The following GSDME variants were observed in gnomAD, a reference collection of about 807,000 sequenced individuals.
GSDME encodes gasdermin-E.
GSDME carries 44 observed loss-of-function variants against 47.5 expected under a neutral mutation model. That is an observed-to-expected ratio of 0.93 (90% CI 0.73 to 1.19). The LOEUF is 1.19. Ranked by LOEUF, GSDME falls within the 50% of genes most tolerant of loss-of-function variation. GSDME has a pLI of 0.00. For missense variants in GSDME, 663 were observed against 604.2 expected, an observed-to-expected ratio of 1.10 and a Z score of -1.02; for synonymous variants, 258 against 252.8, an observed-to-expected ratio of 1.02 and a Z score of -0.20.
the GSDME span, among the ~76,000 whole-genome samples, chr7:24,782,656 T>C: frequency 6.6e-6 from 1 of 152,246 alleles, no homozygotes; most frequent in African/African-American, 2.4e-5. Flanking sequence ...TCTTCCACAA[T>C]GGTTGAACTA....
rs1228378939 is a variant in GSDME at position 24,728,038 on chromosome 7, C to A, written c.405-8820G>T. Among the ~76,000 whole-genome samples, 1 of 152,208 alleles carries A rather than the reference C, an allele frequency of 6.6e-6. No individual in the cohort carries two copies. The highest frequency in any genetic ancestry group is 1.9e-4 in the East Asian group (1 of 5,198). ...GGGGGGCTGTAACGGGAGGAAGAGA[C>A]AGGGTGCACCCAGCCCTGCCAATGA... On this transcript the variant is annotated intron_variant, in intron 3 of 9. Transcript: ENST00000645220. The surrounding 1 kb of genome is among the most constrained non-coding windows in gnomAD (Gnocchi z 7.2).
At chr7:24,783,239 G>T in the GSDME span, among the ~76,000 whole-genome samples, 1 of 152,174 alleles carries the variant, frequency 6.6e-6, no homozygotes, top group South Asian at 2.1e-4. Context: ...GAGAACTGCT[G>T]GCTTAGAGGC....
Position 24,701,522 on chromosome 7 carries a change from C to T in GSDME, c.1257+1238G>A, listed in dbSNP as rs778166058. On this transcript the variant is annotated intron_variant, in intron 9 of 9. Transcript: ENST00000645220. ...CTTGGCAGGATTTTCTTTTTATTTG[C>T]TTCAGTTGCAGTTGATGAATCTGTA... is the stretch of plus-strand genomic sequence containing the variant. Among the ~76,000 whole-genome samples, 39 of 152,156 alleles carry T rather than the reference C, an allele frequency of 2.6e-4. 1 individual carries two copies. Among genetic ancestry groups the T allele is most frequent in the Non-Finnish European group, 7.3e-5 (5 of 68,032 alleles).
At chr7:24,778,590 G>A in the GSDME span, among the ~76,000 whole-genome samples, 1 of 152,174 alleles carries the variant, frequency 6.6e-6, no homozygotes, top group Non-Finnish European at 1.5e-5. The surrounding 1 kb of genome is among the most constrained non-coding windows in gnomAD (Gnocchi z 5.6). Context: ...TGGGTTCCAG[G>A]GCCCATCGAC....
At position 24,754,442 on chromosome 7, in the gene GSDME, G is replaced by A. The variant is rs1181469597; in HGVS notation, c.-20+2954C>T. ...AGAGGTTGCAGTGAGCCAAGATCCT[G>A]CCATTGCACTCCAGCCTGGGCAACA... On this transcript the variant is annotated intron_variant, in intron 1 of 9. Coordinates refer to ENST00000645220, the MANE Select transcript of GSDME (RefSeq NM_001127453.2). This position sits in a 1 kb window ranked among gnomAD's most constrained non-coding sequence, Gnocchi z 5.0. 6.6e-6 allele frequency among the ~76,000 whole-genome samples: 1 copy of A among 150,632 alleles called. No individual in the cohort carries two copies. Among genetic ancestry groups the A allele is most frequent in the Non-Finnish European group, 1.5e-5 (1 of 67,892 alleles).
rs920152511 is a variant in GSDME, at chr7:24,754,595, C to A, written c.-20+2801G>T. Among the ~76,000 whole-genome samples the A allele has an allele frequency of 3.3e-5, 5 of 152,026 alleles. No individual in the cohort carries two copies. The highest frequency in any genetic ancestry group is 7.4e-5 in the Non-Finnish European group (5 of 68,012). On this transcript the variant is annotated intron_variant, in intron 1 of 9. Transcript: ENST00000645220. This position sits in a 1 kb window ranked among gnomAD's most constrained non-coding sequence, Gnocchi z 5.0. ...AGCAAATGCAGTAAGGATATCCTAG[C>A]TTGAGTCAGACTCTTGGACAAGAGA...
intron 3 of GSDME, among the ~76,000 whole-genome samples, chr7:24,731,859 TTTA>T (rs1487773567): frequency 6.6e-6 from 1 of 152,214 alleles, no homozygotes; most frequent in Non-Finnish European, 1.5e-5. Context: ...CATAGTAGCA[TTTA>T]TTATGTTATT....
chr7:24,792,932 T>C, the GSDME span, among the ~76,000 whole-genome samples: 2 of 152,156 alleles, frequency 1.3e-5, no homozygotes, highest in African/African-American at 4.8e-5. Flanking sequence ...ATAAACCAAG[T>C]ATATAATTTC....
Position 24,712,688 on chromosome 7 carries a change from C to T in GSDME, c.698-2300G>A, listed in dbSNP as rs963537599. On this transcript the variant is annotated intron_variant, in intron 5 of 9. Transcript: ENST00000645220. This position sits in a 1 kb window ranked among gnomAD's most constrained non-coding sequence, Gnocchi z 4.4. ...AAAAACATCTTTCCTTCTGCTCATC[C>T]TAGGTTCATGGCTGAGGCCCCTATC... Among the ~76,000 whole-genome samples, 2 of 152,126 alleles carry T rather than the reference C, an allele frequency of 1.3e-5. No individual in the cohort carries two copies. Among genetic ancestry groups the T allele is most frequent in the Non-Finnish European group, 2.9e-5 (2 of 68,016 alleles).
the GSDME span, among the ~76,000 whole-genome samples, chr7:24,794,678 G>A: frequency 3.4e-4 from 52 of 152,216 alleles, 2 homozygotes; most frequent in South Asian, 0.01. Context: ...GTGTCATAGC[G>A]ATTCCATAGA....
chr7:24,760,093 A>G (rs1054117300), upstream of GSDME, among the ~76,000 whole-genome samples: 2 of 152,228 alleles, frequency 1.3e-5, no homozygotes, highest in African/African-American at 2.4e-5. This position sits in a 1 kb window ranked among gnomAD's most constrained non-coding sequence, Gnocchi z 4.2. Context: ...AGTGGTCCTA[A>G]TGATGATGGT....
At position 24,708,198 on chromosome 7, in the gene GSDME, G is replaced by C. The variant is rs771784082; in HGVS notation, c.919C>G (p.Gln307Glu). The change falls in exon 7 of 10, where the codon CAG becomes GAG. Residue 307 changes from glutamine (Q) to glutamate (E), a missense_variant. Coordinates refer to ENST00000645220, the MANE Select transcript of GSDME (RefSeq NM_001127453.2). ...HPFAELPEPQ[Q>E]TALSDIFQAV... ...TGGAAGATGTCACTCAAAGCTGTCT[G>C]TTGTGGCTCAGGCAGCTCCGCAAAT... 2.5e-6 allele frequency: 4 copies of C among 1,614,068 alleles called. No homozygotes were observed. The East Asian group carries it at 6.7e-5, about 27-fold the overall frequency.
In GSDME at chr7:24,706,098, C is replaced by G. The variant is rs115073530; in HGVS notation, c.1183+86G>C. On this transcript the variant is annotated intron_variant, in intron 8 of 9. Transcript: ENST00000645220. ...TATGTACCATATCTTCCACAGTTAC[C>G]ACCTCTGTGTCCCCAGAAGCATAGA... 6 of 1,498,674 alleles carry G rather than the reference C, an allele frequency of 4.0e-6. No homozygotes were observed. The African/African-American group carries it at 5.5e-5, about 14-fold the overall frequency. 92.8% of individuals were successfully genotyped at this position (1,498,674 alleles called of 1,614,324 possible).
chr7:24,723,112 G>T (rs1360208761), intron 3 of GSDME, among the ~76,000 whole-genome samples: 1 of 152,168 alleles, frequency 6.6e-6, no homozygotes, highest in East Asian at 1.9e-4. Context: ...CTGGGATTCT[G>T]TTTCCCAGGA....
chr7:24,753,717 A>G (rs1335905366), intron 1 of GSDME, among the ~76,000 whole-genome samples: 1 of 152,252 alleles, frequency 6.6e-6, no homozygotes, highest in Non-Finnish European at 1.5e-5. Flanking sequence ...GTGTTATTTT[A>G]AAACAAATAA....
At chr7:24,702,662 GT>G in intron 9 of GSDME, 97 bp downstream of exon 9, 1 of 944,578 alleles carries the variant, frequency 1.1e-6, no homozygotes, top group South Asian at 1.3e-5. Context: ...AGCTGTTGTG[GT>G]AAGTCCTAGA....
the GSDME span, among the ~76,000 whole-genome samples, chr7:24,787,051 G>T: frequency 2.0e-5 from 3 of 152,078 alleles, no homozygotes; most frequent in Admixed American, 2.0e-4. The surrounding 1 kb of genome is among the most constrained non-coding windows in gnomAD (Gnocchi z 5.0). Context: ...GGCCTCCTCT[G>T]GTTCCCTTAA....
intron 5 of GSDME, among the ~76,000 whole-genome samples, chr7:24,715,324 A>G (rs898686319): frequency 6.6e-6 from 1 of 152,226 alleles, no homozygotes; most frequent in East Asian, 1.9e-4. Context: ...AGACTTGCTG[A>G]GAGGGTGGAC....
the GSDME span, among the ~76,000 whole-genome samples, chr7:24,776,772 G>A: frequency 1.3e-5 from 2 of 152,084 alleles, no homozygotes; most frequent in Non-Finnish European, 2.9e-5. Context: ...TGCTCTAAAG[G>A]TGATTTACTT....
Sources: allele counts gnomAD v4.1 joint callset (sites outside exome capture counted in the v4.1 genomes callset), GRCh38; gene constraint gnomAD v4.1.1; non-coding constraint Gnocchi (gnomAD v3.1); transcripts MANE v1.5; gene names NCBI Gene and HGNC (gene_info 2026-07-23, HGNC 2026-07-21).